The following CSMD1 variants were observed in gnomAD, a reference collection of about 807,000 sequenced individuals.
CSMD1 encodes CUB and Sushi multiple domains 1.
A neutral mutation model predicts 417.5 loss-of-function variants in CSMD1; 213 were observed. The ratio of observed to expected loss-of-function variants is 0.51; its 90% confidence interval spans 0.46 to 0.57. CSMD1 has a LOEUF of 0.57. Among genes scored for constraint, CSMD1 ranks in the 20% least tolerant of loss-of-function variants. The pLI, the probability that CSMD1 is intolerant of heterozygous loss-of-function variation, is 0.00. For synonymous variants in CSMD1, 2,862 were observed against 1,736.8 expected (o/e 1.65, Z -16.11); for missense variants, 6,923 against 4,529.7 (o/e 1.53, Z -15.17).
intron 10 of CSMD1, among the ~76,000 whole-genome samples, chr8:3,571,062 G>A (rs995797786): frequency 6.6e-6 from 1 of 152,112 alleles, no homozygotes; most frequent in Non-Finnish European, 1.5e-5. Context: ...TCCACTCCAG[G>A]GCAAAACACT....
chr8:4,232,481 G>A (rs1257251661), intron 3 of CSMD1, among the ~76,000 whole-genome samples: 2 of 152,184 alleles, frequency 1.3e-5, no homozygotes. Context: ...TTACAGGCAT[G>A]AGCAACTGCG....
intron 7 of CSMD1, among the ~76,000 whole-genome samples, chr8:3,648,473 G>C (rs1052721785): frequency 1.3e-5 from 2 of 152,182 alleles, no homozygotes; most frequent in Non-Finnish European, 2.9e-5. Flanking sequence ...GGACAAGATG[G>C]CTCTAACACA....
chr8:4,162,971 G>C (rs551551821), intron 3 of CSMD1, among the ~76,000 whole-genome samples: 21 of 152,240 alleles, frequency 1.4e-4, no homozygotes, highest in Middle Eastern at 3.4e-3. Flanking sequence ...AAATGCCCTA[G>C]AGTAGGAATC....
intron 8 of CSMD1, among the ~76,000 whole-genome samples, chr8:3,609,893 C>G (rs1247840757): frequency 1.5e-5 from 2 of 136,950 alleles, no homozygotes; most frequent in Non-Finnish European, 3.1e-5. Context: ...ATCTCGGCTC[C>G]TGGGTTCAAA....
At chr8:4,656,961 G>A (rs527872394) in intron 1 of CSMD1, among the ~76,000 whole-genome samples, 23 of 152,098 alleles carry the variant, frequency 1.5e-4, no homozygotes, top group South Asian at 2.1e-4. Flanking sequence ...ACCCGATTCA[G>A]AACTCACATG....
At chr8:3,455,420 G>T (rs1240872243) in intron 12 of CSMD1, among the ~76,000 whole-genome samples, 1 of 152,162 alleles carries the variant, frequency 6.6e-6, no homozygotes, top group African/African-American at 2.4e-5. Context: ...TTTCTGCTCT[G>T]TTTTTTCCCC....
At chr8:4,736,458 C>G (rs537216077) in intron 1 of CSMD1, among the ~76,000 whole-genome samples, 1 of 152,058 alleles carries the variant, frequency 6.6e-6, no homozygotes, top group Admixed American at 6.6e-5. Context: ...GCAGGCCCCT[C>G]AGGTGGGCAA....
chr8:3,712,951 A>G (rs1020651782), intron 6 of CSMD1, among the ~76,000 whole-genome samples: 3 of 152,194 alleles, frequency 2.0e-5, no homozygotes, highest in Non-Finnish European at 4.4e-5. Flanking sequence ...TGTAGTTAAT[A>G]ACAATGTATT....
intron 39 of CSMD1, 64 bp from the exon 40 acceptor site, chr8:3,151,577 A>T: frequency 1.0e-6 from 1 of 999,520 alleles, no homozygotes; most frequent in Non-Finnish European, 1.5e-6. Context: ...CTTTGCTCCA[A>T]CCTGCTTCAC....
At chr8:4,971,317 T>C (rs1305277791) in intron 1 of CSMD1, among the ~76,000 whole-genome samples, 1 of 152,092 alleles carries the variant, frequency 6.6e-6, no homozygotes, top group Non-Finnish European at 1.5e-5. Context: ...GCTTAAATCA[T>C]GAATTAACTC....
chr8:3,235,916 G>GTTTTTT lies in CSMD1; in HGVS notation c.4154-5691_4154-5686dup, dbSNP rs11414439. On this transcript the variant is annotated intron_variant, in intron 26 of 69. Coordinates refer to ENST00000635120, the MANE Select transcript of CSMD1 (RefSeq NM_033225.6). ...TTATGCCAGTTATATGAAGATGTAA[G>GTTTTTT]TTTTTTTTTTTTTTTTTTTGAGACA... 1.4e-3 allele frequency among the ~76,000 whole-genome samples: 173 copies of GTTTTTT among 119,332 alleles called. 13 individuals carry two copies. The highest frequency in any genetic ancestry group is 4.7e-3 in the African/African-American group (148 of 31,706). The allele number at this position is 119,332 out of a possible 152,430, so 78.3% of individuals were successfully genotyped here. A position where few individuals can be genotyped will look rare whatever the true frequency, so the allele number is the denominator to read the frequency against.
In CSMD1 at chr8:2,973,664, G is replaced by GA. The variant is rs72080091; in HGVS notation, c.8741-366dup. 5.1e-3 allele frequency among the ~76,000 whole-genome samples: 755 copies of GA among 147,708 alleles called. 1 individual carries two copies. Among genetic ancestry groups the GA allele is most frequent in the Non-Finnish European group, 8.8e-3 (590 of 66,716 alleles). Reference sequence around the variant, plus strand: ...GCTTTAGGTAAACAGGGAATGTGGGGAAAAAAAAAAAAAAAGTCAAAGGAG... The same window carrying GA: ...GCTTTAGGTAAACAGGGAATGTGGGGAAAAAAAAAAAAAAAAGTCAAAGGAG... On this transcript the variant is annotated intron_variant, in intron 56 of 69. Coordinates refer to ENST00000635120, the MANE Select transcript of CSMD1 (RefSeq NM_033225.6).
At chr8:4,193,188 G>T (rs11781720) in intron 3 of CSMD1, among the ~76,000 whole-genome samples, 1 of 151,914 alleles carries the variant, frequency 6.6e-6, no homozygotes, top group South Asian at 2.1e-4. Context: ...CAGCTCTTTG[G>T]AGTCATAAGC....
intron 5 of CSMD1, among the ~76,000 whole-genome samples, chr8:3,830,677 A>C: frequency 6.6e-6 from 1 of 152,210 alleles, no homozygotes; most frequent in Non-Finnish European, 1.5e-5. Context: ...CTCAGAAAAC[A>C]GAGAGAAAAA....
Position 3,940,536 on chromosome 8 carries a change from T to TGC in CSMD1, c.818+57366_818+57367insGC, listed in dbSNP as rs201177227. On this transcript the variant is annotated intron_variant, in intron 5 of 69. Transcript: ENST00000635120. Reference sequence around the variant, plus strand: ...GTGTGTGTGTGTGTGTGTGTGTGTGTATGTATGTGTACATAGGTTTCTTTG... The same window carrying TGC: ...GTGTGTGTGTGTGTGTGTGTGTGTGTGCATGTATGTGTACATAGGTTTCTTTG... 3.0e-4 allele frequency among the ~76,000 whole-genome samples: 44 copies of TGC among 147,954 alleles called. 1 individual carries two copies. Among genetic ancestry groups the TGC allele is most frequent in the Admixed American group, 1.4e-3 (20 of 14,688 alleles).
chr8:4,018,090 T>A (rs190238269), intron 4 of CSMD1, among the ~76,000 whole-genome samples: 1 of 152,228 alleles, frequency 6.6e-6, no homozygotes, highest in Non-Finnish European at 1.5e-5. Context: ...CTGGTTATTA[T>A]AGCCTATTGT....
In CSMD1 at chr8:3,582,393, C is replaced by G. The variant is rs181528623; in HGVS notation, c.1222+3743G>C. Among the ~76,000 whole-genome samples, 799 of 152,242 alleles carry G rather than the reference C, an allele frequency of 5.2e-3. 9 individuals carry two copies. The highest frequency in any genetic ancestry group is 0.018 in the African/African-American group (744 of 41,540). ...GGGAATGGTGACATACTCAGGGTTCCTAAAAGTTGCCAACCTGAGGAACTT... is the reference window on the plus strand; with the variant it reads ...GGGAATGGTGACATACTCAGGGTTCGTAAAAGTTGCCAACCTGAGGAACTT... On this transcript the variant is annotated intron_variant, in intron 9 of 69. Transcript: ENST00000635120.
intron 5 of CSMD1, among the ~76,000 whole-genome samples, chr8:3,894,991 T>G (rs932784734): frequency 3.9e-5 from 6 of 152,202 alleles, no homozygotes; most frequent in Non-Finnish European, 7.3e-5. Context: ...GAATCTCCCA[T>G]TTGGTATGAA....
chr8:4,677,412 TTCTC>T (rs143182974), intron 1 of CSMD1, among the ~76,000 whole-genome samples: 7 of 150,540 alleles, frequency 4.6e-5, no homozygotes, highest in South Asian at 2.1e-4. Context: ...TAGAGACAGA[TTCTC>T]TCTCTCTCTC....
Sources: allele counts gnomAD v4.1 joint callset (sites outside exome capture counted in the v4.1 genomes callset), GRCh38; gene constraint gnomAD v4.1.1; transcripts MANE v1.5; gene names NCBI Gene and HGNC (gene_info 2026-07-23, HGNC 2026-07-21).